Variants in MVB12B observed in about 807,000 individuals in gnomAD.
The protein encoded by MVB12B is ESCRT-I complex subunit MVB12B.
In MVB12B, 16 loss-of-function variants were observed where a neutral mutation model predicts 41.6. The ratio of observed to expected loss-of-function variants is 0.38; its 90% CI spans 0.26 to 0.58. The LOEUF is 0.58. MVB12B is among the 20% of genes least tolerant of loss of function. MVB12B has a pLI of 0.62. For synonymous variants in MVB12B, 133 were observed against 139.7 expected (o/e 0.95, Z 0.34); for missense variants, 274 against 380.2 (o/e 0.72, Z 2.32).
chr9:126,488,653 C>T (rs992349546), intron 9 of MVB12B, among the ~76,000 whole-genome samples: 1 of 152,210 alleles, frequency 6.6e-6, no homozygotes, highest in African/African-American at 2.4e-5. Context: ...GAACAGGGGT[C>T]TGAGTGTGAC....
intron 1 of MVB12B, among the ~76,000 whole-genome samples, chr9:126,332,529 C>T (rs998724803): frequency 2.6e-5 from 4 of 152,200 alleles, no homozygotes; most frequent in Admixed American, 1.3e-4. Context: ...AAATCTGGAA[C>T]TCCCTGGAAG....
intron 2 of MVB12B, among the ~76,000 whole-genome samples, chr9:126,343,880 G>A (rs1299103785): frequency 6.6e-6 from 1 of 152,178 alleles, no homozygotes; most frequent in African/African-American, 2.4e-5. Flanking sequence ...CTGCGCCACT[G>A]CGCTCCAGCC....
At position 126,386,673 on chromosome 9, in the gene MVB12B, A is replaced by T; in HGVS notation, c.409+15A>T. 6.4e-7 allele frequency: 1 copy of T among 1,560,984 alleles called. No individual in the cohort carries two copies. Among genetic ancestry groups the T allele is most frequent in the African/African-American group, 1.4e-5 (1 of 73,908 alleles). ...GGTGGACACACGTGAGTCATCCTTT[A>T]GTAGCACTCATCACAATGAGCGTTT... On this transcript the variant is annotated intron_variant, in intron 4 of 9. Coordinates refer to ENST00000361171, the MANE Select transcript of MVB12B (RefSeq NM_033446.3). This position sits in a 1 kb window ranked among gnomAD's most constrained non-coding sequence, Gnocchi z 4.3.
chr9:126,477,543 G>A (rs1833445498), intron 7 of MVB12B, among the ~76,000 whole-genome samples: 1 of 152,286 alleles, frequency 6.6e-6, no homozygotes, highest in Admixed American at 6.5e-5. Flanking sequence ...GGCAAAGGAG[G>A]AGCAAAGGCA....
At position 126,470,577 on chromosome 9, in the gene MVB12B, A is replaced by G. The variant is rs74406085; in HGVS notation, c.758-10792A>G. 4.8e-3 allele frequency among the ~76,000 whole-genome samples: 724 copies of G among 152,162 alleles called. 5 individuals are homozygous for G. Among genetic ancestry groups the G allele is most frequent in the African/African-American group, 0.017 (701 of 41,500 alleles). Reference sequence around the variant, plus strand: ...TCCTCCCAGGGCACTAGGGATGCAGAGGGATGAAGCGAGCCCCTCAATTAC... The same window carrying G: ...TCCTCCCAGGGCACTAGGGATGCAGGGGGATGAAGCGAGCCCCTCAATTAC... On this transcript the variant is annotated intron_variant, in intron 7 of 9. Coordinates refer to ENST00000361171, the MANE Select transcript of MVB12B (RefSeq NM_033446.3).
Position 126,367,249 on chromosome 9 carries a change from C to T in MVB12B, c.205-13815C>T, listed in dbSNP as rs1426317112. ...CTTCCTGCCCGGGGCTCTCCAGCCA[C>T]GCTCCCCCTCTTGCTCCCTAGGATG... is the stretch of plus-strand genomic sequence containing the variant. On this transcript the variant is annotated intron_variant, in intron 2 of 9. Coordinates refer to ENST00000361171, the MANE Select transcript of MVB12B (RefSeq NM_033446.3). The surrounding 1 kb of genome is among the most constrained non-coding windows in gnomAD (Gnocchi z 4.3). 2.0e-5 allele frequency among the ~76,000 whole-genome samples: 3 copies of T among 152,106 alleles called. No homozygotes were observed. The highest frequency in any genetic ancestry group is 4.4e-5 in the Non-Finnish European group (3 of 68,028).
chr9:126,479,272 G>A (rs1253798680), intron 7 of MVB12B, among the ~76,000 whole-genome samples: 6 of 152,140 alleles, frequency 3.9e-5, no homozygotes. Context: ...GAAGTGTTAC[G>A]AGTGCCCGGC....
intron 7 of MVB12B, among the ~76,000 whole-genome samples, chr9:126,450,746 A>C (rs965932765): frequency 7.2e-5 from 11 of 152,244 alleles, no homozygotes; most frequent in Non-Finnish European, 4.4e-5. Context: ...AAACCAAGGC[A>C]TAGAGAGCTC....
At chr9:126,431,455 G>C (rs1222884388) in intron 7 of MVB12B, among the ~76,000 whole-genome samples, 1 of 152,188 alleles carries the variant, frequency 6.6e-6, no homozygotes. Context: ...GCTGATTTCT[G>C]CTCTAGGCTT....
At chr9:126,435,997 A>G (rs1037392685) in intron 7 of MVB12B, among the ~76,000 whole-genome samples, 1 of 152,242 alleles carries the variant, frequency 6.6e-6, no homozygotes, top group Non-Finnish European at 1.5e-5. Flanking sequence ...GAGGTTAGTC[A>G]TTTATTTTTG....
intron 6 of MVB12B, among the ~76,000 whole-genome samples, chr9:126,407,298 A>T (rs1327517957): frequency 6.6e-6 from 1 of 152,116 alleles, no homozygotes; most frequent in East Asian, 1.9e-4. Context: ...CACGTCAGGG[A>T]GAGGTAGCTG....
At chr9:126,424,965 G>A (rs1377892800) in intron 7 of MVB12B, among the ~76,000 whole-genome samples, 2 of 152,186 alleles carry the variant, frequency 1.3e-5, no homozygotes, top group African/African-American at 2.4e-5. Context: ...AAACAAAGAC[G>A]AATGCTTAAA....
At chr9:126,368,186 T>C (rs960517427) in intron 2 of MVB12B, among the ~76,000 whole-genome samples, 1 of 152,164 alleles carries the variant, frequency 6.6e-6, no homozygotes, top group Non-Finnish European at 1.5e-5. Context: ...ACCTACTGTT[T>C]CCATTTATAG....
intron 6 of MVB12B, among the ~76,000 whole-genome samples, chr9:126,416,561 C>T (rs961089963): frequency 1.3e-5 from 2 of 152,150 alleles, no homozygotes; most frequent in African/African-American, 2.4e-5. Context: ...TCAGGAGGGA[C>T]CCTGTGGCCC....
intron 7 of MVB12B, among the ~76,000 whole-genome samples, chr9:126,470,578 G>A (rs1833289990): frequency 6.6e-6 from 1 of 152,130 alleles, no homozygotes; most frequent in Admixed American, 6.5e-5. Flanking sequence ...GGGATGCAGA[G>A]GGATGAAGCG....
chr9:126,461,948 G>A (rs1047062266), intron 7 of MVB12B, among the ~76,000 whole-genome samples: 1 of 152,216 alleles, frequency 6.6e-6, no homozygotes, highest in Non-Finnish European at 1.5e-5. Context: ...TTTCCCTGAC[G>A]TTACCATTAA....
intron 7 of MVB12B, among the ~76,000 whole-genome samples, chr9:126,472,108 G>A (rs1169504499): frequency 6.6e-6 from 1 of 152,088 alleles, no homozygotes. Flanking sequence ...GGAGGGATAA[G>A]GGTTGGCGGC....
intron 2 of MVB12B, among the ~76,000 whole-genome samples, chr9:126,350,572 G>T (rs1033462549): frequency 1.3e-5 from 2 of 152,234 alleles, no homozygotes; most frequent in African/African-American, 4.8e-5. Flanking sequence ...TGAAGATTCA[G>T]CAGAGTCCCA....
chr9:126,466,371 C>T (rs758295349), intron 7 of MVB12B, among the ~76,000 whole-genome samples: 1 of 152,208 alleles, frequency 6.6e-6, no homozygotes, highest in Non-Finnish European at 1.5e-5. Flanking sequence ...AGCGTGTTTA[C>T]GTCTCTGCTG....
Sources: allele counts gnomAD v4.1 joint callset (sites outside exome capture counted in the v4.1 genomes callset), GRCh38; gene constraint gnomAD v4.1.1; non-coding constraint Gnocchi (gnomAD v3.1); transcripts MANE v1.5; gene names NCBI Gene and HGNC (gene_info 2026-07-23, HGNC 2026-07-21).